TSHZ3: variants seen among roughly 807,000 people sequenced by gnomAD.
TSHZ3 encodes teashirt homolog 3.
Under a neutral mutation model 64.5 loss-of-function variants are expected in TSHZ3, and 10 were observed. That is an observed-to-expected ratio of 0.16 (90% CI 0.10 to 0.26). TSHZ3 has a LOEUF of 0.26. Among genes scored for constraint, TSHZ3 ranks in the 10% least tolerant of loss-of-function variants. The pLI is 1.00. For synonymous variants in TSHZ3, 608 were observed against 593.1 expected (o/e 1.03, Z -0.36); for missense variants, 1,242 against 1,421.7 (o/e 0.87, Z 2.03).
intron 1 of TSHZ3, among the ~76,000 whole-genome samples, chr19:31,244,964 T>G (rs16965305): frequency 0.014 from 2,193 of 152,306 alleles, 52 homozygotes; most frequent in African/African-American, 0.051. Context: ...TAAAGAAAAT[T>G]TAATATCATT....
In TSHZ3 at chr19:31,279,295, G is replaced by A. The variant is rs1431082989; in HGVS notation, c.498C>T (p.Asp166=). 1 of 1,613,898 alleles carries A rather than the reference G, an allele frequency of 6.2e-7. No homozygotes were observed. ...TCTTAGCCATGGCGCTCTGGTGCCA[G>A]TCGAAGCTCCCGCTGCCACAGCTGC... ...SSSSCGSGSF[D]WHQSAMAKTL... Residue 166 remains aspartate, a synonymous_variant, in exon 2 of 2, where the codon GAC becomes GAT. Coordinates refer to ENST00000240587, the MANE Select transcript of TSHZ3 (RefSeq NM_020856.4). The surrounding 1 kb of genome is among the most constrained non-coding windows in gnomAD (Gnocchi z 6.4).
intron 6 of TSHZ3, among the ~76,000 whole-genome samples, chr19:31,153,747 G>A (rs1974268838): frequency 6.6e-6 from 1 of 152,216 alleles, no homozygotes; most frequent in South Asian, 2.1e-4. Flanking sequence ...TATTTGTTGA[G>A]TAAATGACTA....
At chr19:31,307,283 A>AT (rs59277599) in intron 1 of TSHZ3, among the ~76,000 whole-genome samples, 22 of 148,618 alleles carry the variant, frequency 1.5e-4, no homozygotes, top group Middle Eastern at 3.6e-3. Flanking sequence ...GTACCCCTTC[A>AT]TTTTTTTTTT....
intron 5 of TSHZ3, among the ~76,000 whole-genome samples, chr19:31,179,318 G>T (rs1419806656): frequency 6.6e-6 from 1 of 152,152 alleles, no homozygotes; most frequent in African/African-American, 2.4e-5. Flanking sequence ...GGAGAATACA[G>T]CCACTGTCCA....
In TSHZ3 at chr19:31,263,646, C is replaced by T. The variant is rs61000831; in HGVS notation, n.64-20771G>A. On this transcript the variant is annotated intron_variant and non_coding_transcript_variant, in intron 1 of 6. Transcript: ENST00000651361. ...GGGCCAAGAGAGGGGGGACAGTGTG[C>T]CCTGCAGCAGGCTTCCAGGTTTCCA... is the stretch of plus-strand genomic sequence containing the variant. Among the ~76,000 whole-genome samples the T allele has an allele frequency of 2.7e-3, 418 of 152,242 alleles. 1 individual carries two copies. The highest frequency in any genetic ancestry group is 9.3e-3 in the African/African-American group (387 of 41,552).
At chr19:31,265,081 C>A (rs905216899) in intron 1 of TSHZ3, among the ~76,000 whole-genome samples, 2 of 152,050 alleles carry the variant, frequency 1.3e-5, no homozygotes, top group Non-Finnish European at 2.9e-5. Context: ...ATTAGGAGAA[C>A]CTGCTCCCAG....
At chr19:31,217,013 G>T (rs1414288935) in intron 4 of TSHZ3, among the ~76,000 whole-genome samples, 1 of 151,710 alleles carries the variant, frequency 6.6e-6, no homozygotes, top group East Asian at 1.9e-4. Context: ...TGGCCAGGCT[G>T]GTCTCGAACT....
chr19:31,297,060 C>G (rs555525117), intron 1 of TSHZ3, among the ~76,000 whole-genome samples: 5 of 152,154 alleles, frequency 3.3e-5, no homozygotes, highest in Non-Finnish European at 5.9e-5. Context: ...TGGGAAATAC[C>G]CAAAGCATCC....
intron 1 of TSHZ3, among the ~76,000 whole-genome samples, chr19:31,251,981 T>C (rs768761845): frequency 3.9e-5 from 6 of 152,296 alleles, no homozygotes; most frequent in East Asian, 1.9e-4. Flanking sequence ...TGGAAGTGCA[T>C]GGTTTTCCTC....
At chr19:31,240,223 T>C (rs535639547) in intron 3 of TSHZ3, among the ~76,000 whole-genome samples, 7 of 152,270 alleles carry the variant, frequency 4.6e-5, no homozygotes, top group African/African-American at 1.7e-4. Context: ...TTCTTTACAT[T>C]ATGTAAAATT....
At chr19:31,157,658 T>C (rs1974322718) in intron 5 of TSHZ3, among the ~76,000 whole-genome samples, 1 of 152,224 alleles carries the variant, frequency 6.6e-6, no homozygotes, top group Non-Finnish European at 1.5e-5. Flanking sequence ...TATGGCTATA[T>C]ACCTAAGTAC....
intron 1 of TSHZ3, among the ~76,000 whole-genome samples, chr19:31,323,898 AC>A (rs1437722740): frequency 7.3e-5 from 11 of 150,128 alleles, no homozygotes; most frequent in African/African-American, 2.7e-4. Flanking sequence ...ACACACACAC[AC>A]ACACACACAC....
chr19:31,172,644 T>C (rs1331980282), intron 5 of TSHZ3, among the ~76,000 whole-genome samples: 2 of 152,166 alleles, frequency 1.3e-5, no homozygotes, highest in African/African-American at 2.4e-5. Context: ...ATCATGAACA[T>C]AAAGATCATA....
chr19:31,343,355 G>A (rs749219808), intron 1 of TSHZ3, among the ~76,000 whole-genome samples: 13 of 151,986 alleles, frequency 8.6e-5, no homozygotes, highest in East Asian at 3.9e-4. Context: ...TGAACTACTC[G>A]CCCCCACCCC....
intron 5 of TSHZ3, among the ~76,000 whole-genome samples, chr19:31,157,249 G>A (rs1974316976): frequency 6.6e-6 from 1 of 152,156 alleles, no homozygotes; most frequent in South Asian, 2.1e-4. Context: ...GATAAAACAA[G>A]TCTTGCTATA....
At chr19:31,178,212 T>C (rs939709600) in intron 5 of TSHZ3, among the ~76,000 whole-genome samples, 3 of 152,182 alleles carry the variant, frequency 2.0e-5, no homozygotes, top group South Asian at 2.1e-4. Context: ...CCCTCCAGCA[T>C]GCTAAGCCCT....
At chr19:31,347,006 A>G (rs1599663982) in intron 1 of TSHZ3, among the ~76,000 whole-genome samples, 2 of 152,172 alleles carry the variant, frequency 1.3e-5, no homozygotes, top group Admixed American at 6.5e-5. Context: ...CTGATTGACC[A>G]TTAAGCTATT....
intron 6 of TSHZ3, among the ~76,000 whole-genome samples, chr19:31,154,468 A>G (rs1215593738): frequency 6.6e-6 from 1 of 152,246 alleles, no homozygotes; most frequent in Non-Finnish European, 1.5e-5. Flanking sequence ...AATAAAGAAG[A>G]GAACCACCTG....
chr19:31,287,846 C>CT (rs1192443821), intron 1 of TSHZ3, among the ~76,000 whole-genome samples: 1 of 152,176 alleles, frequency 6.6e-6, no homozygotes, highest in Non-Finnish European at 1.5e-5. Context: ...AGGGGAGCCG[C>CT]TATGGGTCCA....
Sources: gnomAD v4.1 joint callset for allele counts (sites outside exome capture counted in the v4.1 genomes callset) on GRCh38, gnomAD v4.1.1 for gene constraint, Gnocchi (gnomAD v3.1) non-coding constraint, MANE v1.5 for transcripts, NCBI Gene and HGNC (gene_info 2026-07-23, HGNC 2026-07-21) for gene names.